The following CFTR variants were observed in gnomAD, a reference collection of about 807,000 sequenced individuals.
CFTR encodes CF transmembrane conductance regulator, also known as cystic fibrosis transmembrane conductance regulator.
In CFTR, 181 loss-of-function variants were observed where a neutral mutation model predicts 171.6. The observed-to-expected ratio is 1.05, with a 90% confidence interval of 0.93 to 1.19. The LOEUF (loss-of-function observed/expected upper bound fraction) is 1.19, where lower values mean the gene tolerates loss of function less well. Ranked by LOEUF, CFTR falls within the 50% of genes most tolerant of loss-of-function variation. CFTR has a pLI of 0.00. For missense variants in CFTR, 1,968 were observed against 1,734.7 expected, an observed-to-expected ratio of 1.13 and a Z score of -2.39; for synonymous variants, 583 against 608.0, an observed-to-expected ratio of 0.96 and a Z score of 0.60.
At chr7:117,628,011 A>G (rs1792682706) in intron 22 of CFTR, 1 of 408,720 alleles carries the variant, frequency 2.4e-6, no homozygotes, top group Middle Eastern at 6.7e-4. Context: ...ATATCTAATT[A>G]ATTGCTAGGT....
chr7:117,587,498 T>C (rs960970219), intron 11 of CFTR, among the ~76,000 whole-genome samples: 3 of 152,222 alleles, frequency 2.0e-5, no homozygotes, highest in African/African-American at 7.2e-5. Flanking sequence ...ATAATTATTA[T>C]TTAATGATCA....
intron 3 of CFTR, among the ~76,000 whole-genome samples, chr7:117,518,376 A>G (rs1798630942): frequency 6.8e-6 from 1 of 147,028 alleles, no homozygotes; most frequent in South Asian, 2.1e-4. Context: ...AAATAAATAT[A>G]TAATACTATA....
At chr7:117,636,084 C>T (rs1221171489) in intron 22 of CFTR, among the ~76,000 whole-genome samples, 2 of 152,218 alleles carry the variant, frequency 1.3e-5, no homozygotes, top group East Asian at 3.9e-4. Flanking sequence ...TTTTGTTTGT[C>T]TGATAGAGAC....
intron 3 of CFTR, among the ~76,000 whole-genome samples, chr7:117,530,160 C>A (rs1798835879): frequency 6.6e-6 from 1 of 152,128 alleles, no homozygotes; most frequent in Non-Finnish European, 1.5e-5. Flanking sequence ...ACTCACGGGC[C>A]TTTGAGGAGT....
In CFTR at chr7:117,548,677, A is replaced by G. The variant is rs1454035206; in HGVS notation, c.1246A>G (p.Asn416Asp). Residue 416 changes from asparagine to aspartate, a missense_variant, in exon 10 of 27, where the codon AAT (asparagine) becomes GAT (aspartate). Physicochemically the swap from Asn to Asp is conservative, Grantham distance 23. Coordinates refer to ENST00000003084, the MANE Select transcript of CFTR (RefSeq NM_000492.4). ...GELFEKAKQN[N>D]NNRKTSNGDD... ...ATTATTTGAGAAAGCAAAACAAAAC[A>G]ATAACAATAGAAAAACTTCTAATGG... 5 of 1,613,416 alleles carry G rather than the reference A, an allele frequency of 3.1e-6. No homozygotes were observed. Among genetic ancestry groups the G allele is most frequent in the Non-Finnish European group, 3.4e-6 (4 of 1,179,614 alleles).
At chr7:117,519,956 T>A (rs2116655835) in intron 3 of CFTR, among the ~76,000 whole-genome samples, 1 of 152,054 alleles carries the variant, frequency 6.6e-6, no homozygotes, top group African/African-American at 2.4e-5. Context: ...CCAGAAAAGG[T>A]GCACTACTAT....
intron 11 of CFTR, among the ~76,000 whole-genome samples, chr7:117,581,431 A>G (rs1238715539): frequency 6.6e-6 from 1 of 152,180 alleles, no homozygotes; most frequent in African/African-American, 2.4e-5. Flanking sequence ...CACATCAGGT[A>G]AACACTCTAT....
At chr7:117,533,483 A>T (rs931522861) in intron 4 of CFTR, among the ~76,000 whole-genome samples, 1 of 152,158 alleles carries the variant, frequency 6.6e-6, no homozygotes, top group Non-Finnish European at 1.5e-5. Context: ...GTGTTTTCAT[A>T]AATCTTAATA....
At chr7:117,630,064 G>A (rs1172778342) in intron 22 of CFTR, among the ~76,000 whole-genome samples, 3 of 152,190 alleles carry the variant, frequency 2.0e-5, no homozygotes, top group Non-Finnish European at 4.4e-5. Flanking sequence ...AAGGGAAAAC[G>A]TAAGATCCAC....
chr7:117,612,049 A>ATG (rs1562915177), intron 20 of CFTR, among the ~76,000 whole-genome samples: 7 of 73,158 alleles, frequency 9.6e-5, no homozygotes, highest in Non-Finnish European at 1.7e-4. Context: ...ATATATATAT[A>ATG]TATACATATA....
At chr7:117,591,733 T>A (rs1002826813) in intron 13 of CFTR, among the ~76,000 whole-genome samples, 4 of 152,164 alleles carry the variant, frequency 2.6e-5, no homozygotes, top group African/African-American at 9.7e-5. Flanking sequence ...AACTTTTCAA[T>A]ATAGCATGTT....
At chr7:117,638,256 C>T (rs1792857385) in intron 22 of CFTR, among the ~76,000 whole-genome samples, 1 of 152,142 alleles carries the variant, frequency 6.6e-6, no homozygotes, top group African/African-American at 2.4e-5. Context: ...TCAGTGTGCT[C>T]TGCTTTTTAC....
chr7:117,617,366 A>G (rs917035626), intron 21 of CFTR, among the ~76,000 whole-genome samples: 1 of 151,746 alleles, frequency 6.6e-6, no homozygotes, highest in African/African-American at 2.4e-5. Context: ...TAATGTTTAG[A>G]TAACATTTAA....
intron 24 of CFTR, 55 bp downstream of exon 24, chr7:117,652,986 G>A: frequency 3.9e-6 from 4 of 1,028,044 alleles, no homozygotes; most frequent in Non-Finnish European, 6.2e-6. Flanking sequence ...CAACACAAAT[G>A]GCTGATATAG....
intron 9 of CFTR, among the ~76,000 whole-genome samples, chr7:117,547,151 T>C (rs1799160153): frequency 2.6e-5 from 4 of 152,218 alleles, no homozygotes. Flanking sequence ...GCTACCCATA[T>C]AATAAAAAAC....
rs1554397584 is a variant in CFTR, at chr7:117,665,484, C to G, written c.4162C>G (p.Leu1388Val). 2 of 1,611,254 alleles carry G rather than the reference C, an allele frequency of 1.2e-6. No homozygotes were observed. The highest frequency in any genetic ancestry group is 1.7e-6 in the Non-Finnish European group (2 of 1,177,636). Residue 1388 changes from leucine (L) to valine (V), a missense_variant, in exon 26 of 27, where the codon CTA (leucine) becomes GTA (valine). Physicochemically the swap from Leu to Val is conservative, Grantham distance 32. Transcript: ENST00000003084. ...AACATACCAAATAATTAGAAGAACT[C>G]TAAAACAAGCATTTGCTGATTGCAC... ...PVTYQIIRRT[L>V]KQAFADCTVI...
At chr7:117,486,451 C>G (rs1277456523) in intron 1 of CFTR, among the ~76,000 whole-genome samples, 1 of 152,152 alleles carries the variant, frequency 6.6e-6, no homozygotes, top group African/African-American at 2.4e-5. Context: ...GGGCACTTAA[C>G]CCAGTCTAAG....
chr7:117,536,958 C>T (rs898417127), intron 7 of CFTR, among the ~76,000 whole-genome samples: 9 of 152,066 alleles, frequency 5.9e-5, no homozygotes, highest in African/African-American at 1.7e-4. Flanking sequence ...ACATTTATTT[C>T]GTTAAAACAA....
At position 117,603,790 on chromosome 7, in the gene CFTR, A is replaced by G. The variant is rs1792264028; in HGVS notation, c.2908+8A>G. On this transcript the variant is annotated splice_region_variant and intron_variant, in intron 17 of 26. Transcript: ENST00000003084. ...TCAACACGTTGAAAGCAGGTACTTT[A>G]CTAGGTCTAAGAAATGAAACTGCTG... 6.2e-7 allele frequency: 1 copy of G among 1,613,344 alleles called. No individual in the cohort carries two copies. The highest frequency in any genetic ancestry group is 1.3e-5 in the African/African-American group (1 of 75,036).
Sources: allele counts gnomAD v4.1 joint callset (sites outside exome capture counted in the v4.1 genomes callset), GRCh38; gene constraint gnomAD v4.1.1; transcripts MANE v1.5; gene names NCBI Gene and HGNC (gene_info 2026-07-23, HGNC 2026-07-21).